NMNAT3: variants seen among roughly 807,000 people sequenced by gnomAD.
NMNAT3 encodes nicotinamide/nicotinic acid mononucleotide adenylyltransferase 3.
A neutral mutation model predicts 24.8 loss-of-function variants in NMNAT3; 21 were observed. The ratio of observed to expected loss-of-function variants is 0.85; its 90% CI spans 0.60 to 1.22. The LOEUF is 1.22. NMNAT3 is among the 50% of genes most tolerant of loss of function. The pLI is 0.00. For missense variants in NMNAT3, 387 were observed against 436.6 expected (o/e 0.89, Z 1.01); for synonymous variants, 136 against 155.2 (o/e 0.88, Z 0.92).
At chr3:139,636,053 A>G (rs1379619595) in intron 2 of NMNAT3, 1 of 152,132 alleles carries the variant, frequency 6.6e-6, no homozygotes, top group East Asian at 1.9e-4. Context: ...GGACTTGATG[A>G]CCCTGAAGCT....
chr3:139,654,082 C>G (rs2057153857), intron 1 of NMNAT3, among the ~76,000 whole-genome samples: 1 of 152,200 alleles, frequency 6.6e-6, no homozygotes, highest in South Asian at 2.1e-4. Flanking sequence ...CTCACTATGT[C>G]TTATGAATGG....
intron 1 of NMNAT3, among the ~76,000 whole-genome samples, chr3:139,670,704 A>C (rs539451784): frequency 1.3e-5 from 2 of 152,218 alleles, no homozygotes; most frequent in Non-Finnish European, 2.9e-5. Context: ...CAATGCCTGC[A>C]AGACAAGATG....
chr3:139,673,995 T>C (rs1376088748), intron 1 of NMNAT3, among the ~76,000 whole-genome samples: 3 of 152,120 alleles, frequency 2.0e-5, no homozygotes, highest in Non-Finnish European at 4.4e-5. Context: ...AGTGTGCCTC[T>C]GCCGCTGCCC....
At chr3:139,649,341 A>ACAAACAAG (rs2056978929) in intron 1 of NMNAT3, among the ~76,000 whole-genome samples, 1 of 151,710 alleles carries the variant, frequency 6.6e-6, no homozygotes, top group African/African-American at 2.4e-5. Context: ...AAACAAACAA[A>ACAAACAAG]CAAACAAAAA....
intron 1 of NMNAT3, among the ~76,000 whole-genome samples, chr3:139,669,722 C>T (rs1252102874): frequency 1.3e-5 from 2 of 152,070 alleles, no homozygotes; most frequent in East Asian, 1.9e-4. Flanking sequence ...TTAGTGAGTA[C>T]AGCAAGTAAA....
intron 6 of NMNAT3, among the ~76,000 whole-genome samples, chr3:139,572,964 C>T (rs536630989): frequency 9.8e-5 from 15 of 152,296 alleles, no homozygotes; most frequent in South Asian, 8.3e-4. Context: ...GCACGCCCAC[C>T]GCTGCATGGT....
chr3:139,669,570 C>T (rs1335860462), intron 1 of NMNAT3, among the ~76,000 whole-genome samples: 4 of 151,082 alleles, frequency 2.6e-5, no homozygotes, highest in East Asian at 1.9e-4. Flanking sequence ...GAGTATGCCT[C>T]GTTTGTGAAT....
intron 3 of NMNAT3, among the ~76,000 whole-genome samples, chr3:139,606,720 T>G (rs2054962328): frequency 6.6e-6 from 1 of 152,222 alleles, no homozygotes; most frequent in South Asian, 2.1e-4. Flanking sequence ...TAATTAGTAT[T>G]CTACCGTAAG....
chr3:139,593,390 T>C (rs1179286416), intron 3 of NMNAT3, among the ~76,000 whole-genome samples: 3 of 152,010 alleles, frequency 2.0e-5, no homozygotes, highest in South Asian at 2.1e-4. Flanking sequence ...CTGTCAACAT[T>C]AGACAGATCA....
At chr3:139,636,635 A>G (rs978718492) in intron 2 of NMNAT3, 4 of 152,260 alleles carry the variant, frequency 2.6e-5, no homozygotes, top group South Asian at 2.1e-4. Context: ...GTCTTTTCCA[A>G]ATAACAGCTG....
chr3:139,605,142 C>T (rs1461851796), intron 3 of NMNAT3, among the ~76,000 whole-genome samples: 3 of 152,172 alleles, frequency 2.0e-5, no homozygotes, highest in South Asian at 2.1e-4. Context: ...GATAGCAAGA[C>T]CCACTGGAGG....
intron 3 of NMNAT3, among the ~76,000 whole-genome samples, chr3:139,619,506 T>C (rs1005818397): frequency 6.6e-6 from 1 of 152,192 alleles, no homozygotes; most frequent in African/African-American, 2.4e-5. Flanking sequence ...AGGAGTACTC[T>C]CTGAAATCTC....
intron 3 of NMNAT3, among the ~76,000 whole-genome samples, chr3:139,588,248 T>C (rs1437682989): frequency 1.3e-5 from 2 of 152,154 alleles, no homozygotes; most frequent in East Asian, 3.9e-4. Context: ...TTCATCTGCC[T>C]GTGCCTTTCC....
At chr3:139,561,503 G>A in intron 6 of NMNAT3, 111 bp from the exon 7 acceptor site, 1 of 980,916 alleles carries the variant, frequency 1.0e-6, no homozygotes, top group East Asian at 2.4e-5. Context: ...CGAGAACTCA[G>A]TGTCTCCATG....
intron 1 of NMNAT3, among the ~76,000 whole-genome samples, chr3:139,674,636 T>G (rs192471180): frequency 8.0e-4 from 122 of 152,328 alleles, no homozygotes; most frequent in Admixed American, 6.7e-3. Context: ...CTTAGTCAAG[T>G]GCTTTAAGTA....
intron 4 of NMNAT3, among the ~76,000 whole-genome samples, chr3:139,582,661 A>G (rs1218405074): frequency 6.7e-6 from 1 of 149,254 alleles, no homozygotes; most frequent in Non-Finnish European, 1.5e-5. Context: ...AAAAAAAAAA[A>G]AAAGAAAAGA....
intron 3 of NMNAT3, among the ~76,000 whole-genome samples, chr3:139,607,500 A>T (rs1256353762): frequency 6.6e-6 from 1 of 152,230 alleles, no homozygotes; most frequent in Non-Finnish European, 1.5e-5. Context: ...GCCTTGCAGT[A>T]TCCAATCACA....
chr3:139,654,256 T>C (rs892486228), intron 1 of NMNAT3, among the ~76,000 whole-genome samples: 3 of 152,164 alleles, frequency 2.0e-5, no homozygotes, highest in Non-Finnish European at 2.9e-5. Flanking sequence ...AAACAGTGTG[T>C]CCCTACTGAT....
At chr3:139,599,094 G>A (rs531327774) in intron 3 of NMNAT3, 6 of 507,282 alleles carry the variant, frequency 1.2e-5, no homozygotes, top group African/African-American at 1.2e-4. Context: ...AAACCGTGAA[G>A]CAAAGACTTA....
Sources: gnomAD v4.1 joint callset for allele counts (sites outside exome capture counted in the v4.1 genomes callset) on GRCh38, gnomAD v4.1.1 for gene constraint, MANE v1.5 for transcripts, NCBI Gene and HGNC (gene_info 2026-07-23, HGNC 2026-07-21) for gene names.